Variants in PIAS2 observed in about 807,000 individuals in gnomAD.
The protein encoded by PIAS2 is protein inhibitor of activated STAT 2.
A neutral mutation model predicts 69.7 loss-of-function variants in PIAS2; 19 were observed. The observed-to-expected ratio is 0.27, with a 90% CI of 0.19 to 0.40. The LOEUF (loss-of-function observed/expected upper bound fraction) is 0.40. PIAS2 is among the 10% of genes least tolerant of loss of function. The pLI is 1.00. For synonymous variants in PIAS2, 261 were observed against 263.2 expected, an observed-to-expected ratio of 0.99 and a Z score of 0.08; for missense variants, 624 against 757.0, an observed-to-expected ratio of 0.82 and a Z score of 2.06.
At chr18:46,915,288 A>G (rs1158843985) in intron 1 of PIAS2, 3 of 152,218 alleles carry the variant, frequency 2.0e-5, no homozygotes, top group Non-Finnish European at 4.4e-5. Flanking sequence ...AATAACCACT[A>G]TATTAAAATG....
intron 2 of PIAS2, among the ~76,000 whole-genome samples, chr18:46,865,034 GAA>G (rs1293256263): frequency 1.3e-5 from 2 of 152,196 alleles, no homozygotes; most frequent in East Asian, 1.9e-4. Context: ...ATTTGCATAT[GAA>G]AGTCTTCCCA....
chr18:46,807,377 ATATATATTTTT>A lies in PIAS2; in HGVS notation c.*5045_*5055del, dbSNP rs1176182356. Reference sequence around the variant, plus strand: ...ATTTTATATATATATATATATATATATATATATTTTTTTTTTTTTTTTTTTTTTTTTTTAGA... The same window carrying A: ...ATTTTATATATATATATATATATATATTTTTTTTTTTTTTTTTTTTTTAGA... On this transcript the variant is annotated 3_prime_UTR_variant, in exon 14 of 14. Coordinates refer to ENST00000585916, the MANE Select transcript of PIAS2 (RefSeq NM_004671.5). 3.6e-4 allele frequency: 9 copies of A among 25,038 alleles called. No homozygotes were observed. The highest frequency in any genetic ancestry group is 5.8e-4 in the Admixed American group (2 of 3,478). 1.6% of individuals were successfully genotyped at this position (25,038 alleles called of 1,614,324 possible).
At chr18:46,909,728 A>C (rs55633240) in intron 1 of PIAS2, among the ~76,000 whole-genome samples, 1 of 152,230 alleles carries the variant, frequency 6.6e-6, no homozygotes, top group African/African-American at 2.4e-5. Context: ...CTATTCCTAG[A>C]ATCTCTACAG....
Position 46,808,821 on chromosome 18 carries a change from CTTTTTTTTTTTTTTT to C in PIAS2, c.*3597_*3611del, listed in dbSNP as rs59693447. 1 of 103,132 alleles carries C rather than the reference CTTTTTTTTTTTTTTT, an allele frequency of 9.7e-6. No homozygotes were observed. The highest frequency in any genetic ancestry group is 3.6e-5 in the African/African-American group (1 of 28,126). The allele number at this position is 103,132 out of a possible 1,614,324, so 6.4% of individuals were successfully genotyped here. A position where few individuals can be genotyped will look rare whatever the true frequency, so the allele number is the denominator to read the frequency against. On this transcript the variant is annotated 3_prime_UTR_variant, in exon 14 of 14. Coordinates refer to ENST00000585916, the MANE Select transcript of PIAS2 (RefSeq NM_004671.5). ...AAAGAAAGAATGGTCCGGCTAAGTG[CTTTTTTTTTTTTTTT>C]TTTTTTTAAACCAACTGAAGGCCAG...
chr18:46,884,502 G>C (rs1449075580), intron 2 of PIAS2, among the ~76,000 whole-genome samples: 1 of 151,844 alleles, frequency 6.6e-6, no homozygotes, highest in Non-Finnish European at 1.5e-5. Context: ...TAGTAGAGTC[G>C]GGGTTTCACC....
chr18:46,882,450 C>T (rs1018454567), intron 2 of PIAS2, among the ~76,000 whole-genome samples: 1 of 152,152 alleles, frequency 6.6e-6, no homozygotes, highest in Non-Finnish European at 1.5e-5. Flanking sequence ...GTGGAAGCTA[C>T]TGTCGAATTT....
rs2040802392 is a variant in PIAS2, at chr18:46,808,162, A to G, written c.*4271T>C. The G allele has an allele frequency of 3.3e-5, 5 of 152,218 alleles. No individual in the cohort carries two copies. 9.4% of individuals were successfully genotyped at this position (152,218 alleles called of 1,614,324 possible). On this transcript the variant is annotated 3_prime_UTR_variant, in exon 14 of 14. Transcript: ENST00000585916. Reference sequence around the variant, plus strand: ...GGAATAATGCCTGTAGGTTGCGGGGAAAAACCCCAAGATATAAATTACACT... The same window carrying G: ...GGAATAATGCCTGTAGGTTGCGGGGGAAAACCCCAAGATATAAATTACACT...
At chr18:46,855,790 C>G (rs548778158) in intron 3 of PIAS2, among the ~76,000 whole-genome samples, 175 bp from the exon 4 acceptor site, 2 of 152,162 alleles carry the variant, frequency 1.3e-5, no homozygotes, top group Admixed American at 1.3e-4. Context: ...GATGATAAAC[C>G]TGACTTGCTT....
intron 1 of PIAS2, among the ~76,000 whole-genome samples, chr18:46,910,836 C>T (rs1386627773): frequency 2.0e-5 from 3 of 152,084 alleles, no homozygotes; most frequent in Non-Finnish European, 2.9e-5. Flanking sequence ...TTTATAATTC[C>T]ACATGTAAAC....
At chr18:46,847,848 G>A (rs760094396) in intron 5 of PIAS2, among the ~76,000 whole-genome samples, 6 of 152,056 alleles carry the variant, frequency 3.9e-5, no homozygotes, top group Non-Finnish European at 7.4e-5. Flanking sequence ...CCCAATTACC[G>A]CAAGACTTCA....
rs557955602 is a variant in PIAS2 at position 46,804,554 on chromosome 18, C to A, written c.*7879G>T. 1 of 152,204 alleles carries A rather than the reference C, an allele frequency of 6.6e-6. No homozygotes were observed. Among genetic ancestry groups the A allele is most frequent in the Non-Finnish European group, 1.5e-5 (1 of 68,040 alleles). The allele number at this position is 152,204 out of a possible 1,614,324, so 9.4% of individuals were successfully genotyped here. ...ACTGTTTTACAAGGCCCTTCACGAT[C>A]TATCTATGCATATTTCTCAATATTC... is the stretch of plus-strand genomic sequence containing the variant. On this transcript the variant is annotated 3_prime_UTR_variant, in exon 14 of 14. Coordinates refer to ENST00000585916, the MANE Select transcript of PIAS2 (RefSeq NM_004671.5).
chr18:46,850,628 C>A (rs2046823162), intron 5 of PIAS2, among the ~76,000 whole-genome samples: 2 of 152,086 alleles, frequency 1.3e-5, no homozygotes, highest in African/African-American at 4.8e-5. Flanking sequence ...CATCATAAGG[C>A]ACAGAAGGTG....
intron 8 of PIAS2, among the ~76,000 whole-genome samples, chr18:46,842,416 G>A (rs1343725213): frequency 3.3e-5 from 5 of 152,036 alleles, no homozygotes; most frequent in Non-Finnish European, 5.9e-5. Context: ...AAATGGCACT[G>A]CACAACTGTA....
intron 3 of PIAS2, among the ~76,000 whole-genome samples, chr18:46,862,160 G>A (rs1033767020): frequency 3.9e-5 from 6 of 152,046 alleles, no homozygotes; most frequent in South Asian, 2.1e-4. Flanking sequence ...GTGAAACCCC[G>A]TCTCTACTAA....
chr18:46,889,015 G>GAA (rs1436798535), intron 2 of PIAS2, among the ~76,000 whole-genome samples: 1 of 152,146 alleles, frequency 6.6e-6, no homozygotes, highest in African/African-American at 2.4e-5. Flanking sequence ...AAATGGTGGG[G>GAA]AAAAACTGGA....
At chr18:46,902,503 C>T (rs757410556) in intron 1 of PIAS2, among the ~76,000 whole-genome samples, 1 of 151,448 alleles carries the variant, frequency 6.6e-6, no homozygotes, top group Non-Finnish European at 1.5e-5. Context: ...CAGGTTGCAG[C>T]GAGCCGAGAT....
intron 2 of PIAS2, among the ~76,000 whole-genome samples, chr18:46,865,139 T>C (rs1272252402): frequency 2.6e-5 from 4 of 152,166 alleles, no homozygotes; most frequent in Non-Finnish European, 4.4e-5. Flanking sequence ...AGGTTAATAA[T>C]GAATTATTCA....
intron 1 of PIAS2, among the ~76,000 whole-genome samples, chr18:46,898,037 TACAG>T (rs1469802938): frequency 6.6e-6 from 1 of 151,816 alleles, no homozygotes; most frequent in Non-Finnish European, 1.5e-5. Flanking sequence ...TTACTTTTCA[TACAG>T]ACAGAGTCTC....
chr18:46,830,663 G>C (rs996887672), intron 9 of PIAS2, among the ~76,000 whole-genome samples: 2 of 152,078 alleles, frequency 1.3e-5, no homozygotes, highest in African/African-American at 4.8e-5. Context: ...TCAGTTTCTA[G>C]TCAAACTTAT....
Sources: gnomAD v4.1 joint callset for allele counts (sites outside exome capture counted in the v4.1 genomes callset) on GRCh38, gnomAD v4.1.1 for gene constraint, MANE v1.5 for transcripts, NCBI Gene and HGNC (gene_info 2026-07-23, HGNC 2026-07-21) for gene names.